Variants in SLC26A7 observed in about 807,000 individuals in gnomAD.
SLC26A7 encodes solute carrier family 26 member 7.
In SLC26A7, 59 loss-of-function variants were observed where a neutral mutation model predicts 82.5. The ratio of observed to expected loss-of-function variants is 0.72; its 90% CI spans 0.58 to 0.89. SLC26A7 has a LOEUF of 0.89. Ranked by LOEUF, SLC26A7 falls within the 40% of genes least tolerant of loss-of-function variation. The pLI is 0.00. For missense variants in SLC26A7, 820 were observed against 793.0 expected (o/e 1.03, Z -0.41); for synonymous variants, 271 against 274.3 (o/e 0.99, Z 0.12).
intron 9 of SLC26A7, among the ~76,000 whole-genome samples, chr8:91,345,514 T>A (rs1021078662): frequency 6.6e-6 from 1 of 152,220 alleles, no homozygotes; most frequent in Non-Finnish European, 1.5e-5. Context: ...GCACTAAATG[T>A]CCTTAAAATG....
intron 4 of SLC26A7, among the ~76,000 whole-genome samples, chr8:91,317,960 A>G (rs2130807960): frequency 6.9e-6 from 1 of 144,556 alleles, no homozygotes; most frequent in Admixed American, 6.9e-5. Flanking sequence ...ATATATATAA[A>G]ATAAAAATAA....
intron 6 of SLC26A7, 32 bp from the exon 7 acceptor site, chr8:91,338,118 T>C (rs373645212): frequency 1.9e-6 from 3 of 1,540,270 alleles, no homozygotes; most frequent in African/African-American, 1.4e-5. Flanking sequence ...GTAATGTATA[T>C]ATTTTTTCTT....
intron 8 of SLC26A7, 66 bp downstream of exon 8, chr8:91,340,617 A>T (rs1161357339): frequency 3.2e-6 from 5 of 1,584,562 alleles, no homozygotes; most frequent in Non-Finnish European, 3.5e-6. Context: ...CCCAGATCCT[A>T]AAAATGATGA....
intron 11 of SLC26A7, chr8:91,357,410 C>T (rs1813901347): frequency 6.6e-6 from 1 of 152,112 alleles, no homozygotes; most frequent in Non-Finnish European, 1.5e-5. Context: ...TCTATGTTCA[C>T]ATTTTATATT....
At chr8:91,394,145 C>A (rs1336854534) in intron 18 of SLC26A7, 106 bp downstream of exon 18, 2 of 1,594,376 alleles carry the variant, frequency 1.3e-6, no homozygotes, top group Non-Finnish European at 1.7e-6. Context: ...CATCTAAAAT[C>A]TGTTAGCCCC....
intron 7 of SLC26A7, among the ~76,000 whole-genome samples, chr8:91,339,019 A>G (rs1046023002): frequency 4.6e-5 from 7 of 152,190 alleles, no homozygotes; most frequent in Non-Finnish European, 8.8e-5. Flanking sequence ...AGGGAATGTT[A>G]AAAATCCTAT....
intron 4 of SLC26A7, among the ~76,000 whole-genome samples, chr8:91,309,610 T>C (rs915210382): frequency 1.6e-4 from 25 of 151,906 alleles, no homozygotes; most frequent in African/African-American, 6.0e-4. Flanking sequence ...TCAGAAGAAA[T>C]AATTCAACTA....
chr8:91,386,211 C>CA (rs1814795576), intron 15 of SLC26A7, among the ~76,000 whole-genome samples: 1 of 152,144 alleles, frequency 6.6e-6, no homozygotes, highest in African/African-American at 2.4e-5. Context: ...CCAAATAAAA[C>CA]AACTGCTAAT....
chr8:91,225,410 AG>A (rs1188440759), intron 2 of SLC26A7, among the ~76,000 whole-genome samples: 4 of 151,744 alleles, frequency 2.6e-5, no homozygotes, highest in Non-Finnish European at 5.9e-5. Context: ...CTCTGGTGGG[AG>A]GGGATTGCCC....
intron 14 of SLC26A7, among the ~76,000 whole-genome samples, chr8:91,367,260 G>A (rs1029883403): frequency 1.3e-5 from 2 of 152,032 alleles, no homozygotes; most frequent in Non-Finnish European, 2.9e-5. Context: ...CACCCGCCTC[G>A]GCCTTCCAAA....
At chr8:91,286,527 G>A (rs1811715211) in intron 2 of SLC26A7, among the ~76,000 whole-genome samples, 2 of 152,126 alleles carry the variant, frequency 1.3e-5, no homozygotes, top group South Asian at 4.1e-4. Context: ...CTAACACTGT[G>A]TCTATTCCTT....
Position 91,249,828 on chromosome 8 carries a change from TCAA to T in SLC26A7, c.180_182del (p.Gln61del). 6.2e-7 allele frequency: 1 copy of T among 1,604,174 alleles called. No individual in the cohort carries two copies. Among genetic ancestry groups the T allele is most frequent in the South Asian group, 1.1e-5 (1 of 88,978 alleles). Reference sequence around the variant, plus strand: ...CTGTGTCTGGGATAATGTTGGCAGTTCAACAGGTGACCCAAGGTAATGTATTGC... The same window carrying T: ...CTGTGTCTGGGATAATGTTGGCAGTTCAGGTGACCCAAGGTAATGTATTGC... On this transcript the variant is annotated inframe_deletion, in exon 2 of 19. Coordinates refer to ENST00000276609, the MANE Select transcript of SLC26A7 (RefSeq NM_052832.4).
At chr8:91,253,680 C>T (rs750683877) in intron 2 of SLC26A7, among the ~76,000 whole-genome samples, 13 of 152,092 alleles carry the variant, frequency 8.5e-5, no homozygotes, top group Admixed American at 3.3e-4. Flanking sequence ...AGAATCCCTC[C>T]CAATCTCCTG....
chr8:91,343,288 G>A, intron 8 of SLC26A7, 65 bp from the exon 9 acceptor site: 2 of 1,010,736 alleles, frequency 2.0e-6, no homozygotes, highest in Non-Finnish European at 3.0e-6. Flanking sequence ...GTGACAAATT[G>A]TACCTGTGGT....
chr8:91,318,728 A>G (rs1563677015), intron 5 of SLC26A7, among the ~76,000 whole-genome samples: 1 of 152,152 alleles, frequency 6.6e-6, no homozygotes, highest in Non-Finnish European at 1.5e-5. Context: ...GCACTCCCCC[A>G]CATTCTTTCA....
chr8:91,295,008 G>A (rs769996921), intron 3 of SLC26A7, among the ~76,000 whole-genome samples: 27 of 152,088 alleles, frequency 1.8e-4, no homozygotes, highest in Non-Finnish European at 3.1e-4. Flanking sequence ...AAAACAAATA[G>A]GATTTGCACA....
At chr8:91,264,819 T>C (rs1163205397) in intron 2 of SLC26A7, among the ~76,000 whole-genome samples, 1 of 152,072 alleles carries the variant, frequency 6.6e-6, no homozygotes, top group African/African-American at 2.4e-5. Context: ...TTAATATATA[T>C]AAACATTGAA....
chr8:91,356,053 T>C (rs1325438445), intron 11 of SLC26A7, among the ~76,000 whole-genome samples: 4 of 150,666 alleles, frequency 2.7e-5, no homozygotes, highest in Non-Finnish European at 5.9e-5. Context: ...ACAAAGGACA[T>C]GAACTCATCC....
At chr8:91,271,162 A>G (rs577501907) in intron 2 of SLC26A7, among the ~76,000 whole-genome samples, 2 of 152,204 alleles carry the variant, frequency 1.3e-5, no homozygotes, top group Admixed American at 1.3e-4. Context: ...GCCTACCCCA[A>G]CCATTCCATT....
Sources: allele counts gnomAD v4.1 joint callset (sites outside exome capture counted in the v4.1 genomes callset), GRCh38; gene constraint gnomAD v4.1.1; transcripts MANE v1.5; gene names NCBI Gene and HGNC (gene_info 2026-07-23, HGNC 2026-07-21).